Variants in PTPRM observed in about 807,000 individuals in gnomAD.
The protein encoded by PTPRM is receptor-type tyrosine-protein phosphatase mu.
In PTPRM, 47 loss-of-function variants were observed where a neutral mutation model predicts 186.7. The ratio of observed to expected loss-of-function variants is 0.25; its 90% CI spans 0.20 to 0.32. PTPRM has a LOEUF of 0.32. Ranked by LOEUF, PTPRM falls within the 10% of genes least tolerant of loss-of-function variation. The probability of loss-of-function intolerance (pLI) is 1.00; values close to 1 mark genes in which losing one functional copy is unlikely to be tolerated. For missense variants in PTPRM, 1,494 were observed against 1,865.0 expected (o/e 0.80, Z 3.66); for synonymous variants, 668 against 674.9 (o/e 0.99, Z 0.16).
chr18:8,044,527 C>T (rs1353518658), intron 7 of PTPRM, among the ~76,000 whole-genome samples: 2 of 151,930 alleles, frequency 1.3e-5, no homozygotes, highest in African/African-American at 2.4e-5. Context: ...GAGGCCAAAG[C>T]GGGCGGATCA....
chr18:7,910,046 C>A (rs992940722), intron 4 of PTPRM, among the ~76,000 whole-genome samples: 1 of 152,096 alleles, frequency 6.6e-6, no homozygotes, highest in African/African-American at 2.4e-5. Context: ...ATGAGCTGTG[C>A]ATATATGGGT....
intron 32 of PTPRM, among the ~76,000 whole-genome samples, chr18:8,401,395 C>G (rs1477341682): frequency 2.0e-5 from 3 of 152,176 alleles, no homozygotes; most frequent in Admixed American, 2.0e-4. Flanking sequence ...TTATTGGTCT[C>G]CTTGGCACAG....
rs552537085 is a variant in PTPRM at position 8,126,878 on chromosome 18, T to C, written c.2167+12051T>C. On this transcript the variant is annotated intron_variant, in intron 13 of 32. Coordinates refer to ENST00000580170, the MANE Select transcript of PTPRM (RefSeq NM_001105244.2). ...TCAGATATGAAGAATTGCAGAAAGGTCATCATGGCTGGAGAGCAGAGAGCG... is the reference window on the plus strand; with the variant it reads ...TCAGATATGAAGAATTGCAGAAAGGCCATCATGGCTGGAGAGCAGAGAGCG... Among the ~76,000 whole-genome samples, 3 of 152,124 alleles carry C rather than the reference T, an allele frequency of 2.0e-5. No individual in the cohort carries two copies. In the South Asian group the frequency reaches 6.3e-4, roughly 32 times the overall value.
At chr18:7,925,244 C>A (rs1283609029) in intron 4 of PTPRM, among the ~76,000 whole-genome samples, 1 of 152,032 alleles carries the variant, frequency 6.6e-6, no homozygotes, top group Admixed American at 6.6e-5. Flanking sequence ...AAGCAGAGAT[C>A]ATAGAGTTGT....
chr18:8,021,317 G>GAC (rs35335855), intron 7 of PTPRM, among the ~76,000 whole-genome samples: 6,510 of 142,876 alleles, frequency 0.046, 226 homozygotes, highest in East Asian at 0.21. Flanking sequence ...GCATAAAAGA[G>GAC]ACACACACAC....
At chr18:7,849,458 A>C (rs1023068654) in intron 2 of PTPRM, among the ~76,000 whole-genome samples, 1 of 152,194 alleles carries the variant, frequency 6.6e-6, no homozygotes, top group Non-Finnish European at 1.5e-5. Context: ...AATTCAGATG[A>C]AAGTGGATCT....
intron 20 of PTPRM, among the ~76,000 whole-genome samples, chr18:8,303,808 G>A (rs1222843557): frequency 6.6e-6 from 1 of 152,084 alleles, no homozygotes; most frequent in East Asian, 1.9e-4. Flanking sequence ...GGAACCGGGT[G>A]GAAACAAGCA....
At chr18:8,079,008 G>A (rs114732909) in intron 9 of PTPRM, among the ~76,000 whole-genome samples, 3,823 of 152,248 alleles carry the variant, frequency 0.025, 90 homozygotes, top group African/African-American at 0.063. Context: ...TATCAGTGCT[G>A]GAAATGAATA....
intron 4 of PTPRM, among the ~76,000 whole-genome samples, chr18:7,909,263 G>A (rs558932783): frequency 1.3e-5 from 2 of 152,312 alleles, no homozygotes; most frequent in South Asian, 2.1e-4. Context: ...TCCCATAGGA[G>A]AGAGCTTTCT....
chr18:7,852,592 G>A (rs570195031), intron 2 of PTPRM, among the ~76,000 whole-genome samples: 77 of 152,220 alleles, frequency 5.1e-4, no homozygotes, highest in African/African-American at 1.7e-3. Flanking sequence ...GAAGGCTGAG[G>A]CAGGAGAATG....
At chr18:7,916,063 G>A (rs1288573954) in intron 4 of PTPRM, among the ~76,000 whole-genome samples, 3 of 152,126 alleles carry the variant, frequency 2.0e-5, no homozygotes, top group Admixed American at 6.5e-5. Flanking sequence ...TGTATATATG[G>A]ACATAAAAGA....
At chr18:7,863,183 C>G (rs569005247) in intron 2 of PTPRM, among the ~76,000 whole-genome samples, 5 of 152,034 alleles carry the variant, frequency 3.3e-5, no homozygotes, top group Non-Finnish European at 7.4e-5. Context: ...AATGGTGAGG[C>G]TTTTACATTT....
At chr18:7,793,680 G>C (rs2145236524) in intron 2 of PTPRM, among the ~76,000 whole-genome samples, 1 of 152,240 alleles carries the variant, frequency 6.6e-6, no homozygotes, top group East Asian at 1.9e-4. Flanking sequence ...GAAGTGGTGG[G>C]AAGGGAAGGG....
chr18:7,804,373 C>T (rs1480624636), intron 2 of PTPRM, among the ~76,000 whole-genome samples: 1 of 152,000 alleles, frequency 6.6e-6, no homozygotes, highest in Non-Finnish European at 1.5e-5. Context: ...TTGGGCAGGC[C>T]GGAGTTAATA....
rs370311859 is a variant in PTPRM at position 7,685,412 on chromosome 18, C to A, written c.74-88737C>A. On this transcript the variant is annotated intron_variant, in intron 1 of 32. Coordinates refer to ENST00000580170, the MANE Select transcript of PTPRM (RefSeq NM_001105244.2). ...AGAGATTCTTAAAGATGATAGTAAA[C>A]GTATTAGAAAAGGAGCAATTACTGT... is the stretch of plus-strand genomic sequence containing the variant. 5.9e-5 allele frequency among the ~76,000 whole-genome samples: 9 copies of A among 152,172 alleles called. No individual in the cohort carries two copies. The East Asian group carries it at 1.7e-3, about 29-fold the overall frequency.
intron 19 of PTPRM, among the ~76,000 whole-genome samples, chr18:8,294,677 C>T (rs1385296100): frequency 6.6e-6 from 1 of 152,212 alleles, no homozygotes; most frequent in East Asian, 1.9e-4. Flanking sequence ...CACATCTGAT[C>T]CTACCATGTT....
At chr18:7,801,961 TA>T (rs1262079796) in intron 2 of PTPRM, among the ~76,000 whole-genome samples, 3 of 152,242 alleles carry the variant, frequency 2.0e-5, no homozygotes, top group Non-Finnish European at 4.4e-5. Context: ...TAATAAATTT[TA>T]AATTTAGATA....
intron 1 of PTPRM, among the ~76,000 whole-genome samples, chr18:7,589,361 G>C (rs1172117203): frequency 6.6e-6 from 1 of 152,164 alleles, no homozygotes; most frequent in African/African-American, 2.4e-5. Flanking sequence ...GAATCTACCT[G>C]ATCCTAGCAC....
chr18:7,714,791 C>A (rs1369408448), intron 1 of PTPRM, among the ~76,000 whole-genome samples: 1 of 152,188 alleles, frequency 6.6e-6, no homozygotes, highest in African/African-American at 2.4e-5. Context: ...TTCCTGGACA[C>A]ATACACCCTC....
Sources: gnomAD v4.1 joint callset for allele counts (sites outside exome capture counted in the v4.1 genomes callset) on GRCh38, gnomAD v4.1.1 for gene constraint, MANE v1.5 for transcripts, NCBI Gene and HGNC (gene_info 2026-07-23, HGNC 2026-07-21) for gene names.